PLCB4: variants seen among roughly 807,000 people sequenced by gnomAD.
PLCB4 encodes the protein phospholipase C beta 4.
Under a neutral mutation model 178.8 loss-of-function variants are expected in PLCB4, and 77 were observed. That is an observed-to-expected ratio of 0.43 (90% CI 0.36 to 0.52). PLCB4 has a LOEUF of 0.52. Among genes scored for constraint, PLCB4 ranks in the 20% least tolerant of loss-of-function variants. The probability of loss-of-function intolerance (pLI) is 0.00; values close to 1 mark genes in which losing one functional copy is unlikely to be tolerated. For synonymous variants in PLCB4, 496 were observed against 490.8 expected, an observed-to-expected ratio of 1.01 and a Z score of -0.14; for missense variants, 1,024 against 1,453.4, an observed-to-expected ratio of 0.70 and a Z score of 4.80.
intron 7 of PLCB4, among the ~76,000 whole-genome samples, chr20:9,352,009 C>A (rs1420118083): frequency 6.6e-6 from 1 of 152,114 alleles, no homozygotes; most frequent in Non-Finnish European, 1.5e-5. Context: ...GAGTTGAGTC[C>A]AAAAGTAATG....
chr20:9,213,128 C>CTTTTTTTTTTTTTTT (rs56785951), intron 2 of PLCB4, among the ~76,000 whole-genome samples: 2 of 35,728 alleles, frequency 5.6e-5, no homozygotes, highest in African/African-American at 2.5e-4. Flanking sequence ...CGTTAGCATA[C>CTTTTTTTTTTTTTTT]TTTTTTTTTT....
At chr20:9,308,825 C>T (rs6118572) in intron 4 of PLCB4, among the ~76,000 whole-genome samples, 1 of 152,092 alleles carries the variant, frequency 6.6e-6, no homozygotes, top group Non-Finnish European at 1.5e-5. Flanking sequence ...AAGGATGGAC[C>T]TAAACATGGT....
At chr20:9,332,597 A>T (rs941966484) in intron 4 of PLCB4, among the ~76,000 whole-genome samples, 3 of 151,938 alleles carry the variant, frequency 2.0e-5, no homozygotes, top group Non-Finnish European at 4.4e-5. Context: ...TCATTCTAAG[A>T]TCCCCCTGGA....
rs1484633062 is a variant in PLCB4, at chr20:9,081,374, A to T, written c.-135+12168A>T. On this transcript the variant is annotated intron_variant, in intron 1 of 39. Transcript: ENST00000378473. ...GCCTGACCCCTGTGATGAAGTTTTA[A>T]CTCCTTTATTTGCATCACCTATACT... Among the ~76,000 whole-genome samples, 8 of 152,284 alleles carry T rather than the reference A, an allele frequency of 5.3e-5. 1 individual carries two copies.
chr20:9,223,459 G>A (rs1015435055), intron 3 of PLCB4, among the ~76,000 whole-genome samples: 5 of 152,196 alleles, frequency 3.3e-5, no homozygotes, highest in East Asian at 3.9e-4. Context: ...GGAAGGGCCC[G>A]GCTGTGCATT....
Position 9,406,492 on chromosome 20 carries a change from T to A in PLCB4, c.1647+1144T>A, listed in dbSNP as rs948604233. Among the ~76,000 whole-genome samples the A allele has an allele frequency of 4.4e-5, 5 of 113,090 alleles. No individual in the cohort carries two copies. The East Asian group carries it at 1.7e-3, about 39-fold the overall frequency. 74.2% of individuals were successfully genotyped at this position (113,090 alleles called of 152,430 possible). On this transcript the variant is annotated intron_variant, in intron 21 of 39. Transcript: ENST00000378473. ...TCAGTTAAGACAAACAAATTGACCATTTTTTTTTTTTTTTGAGATGGAGTC... is the reference window on the plus strand; with the variant it reads ...TCAGTTAAGACAAACAAATTGACCAATTTTTTTTTTTTTTGAGATGGAGTC...
At chr20:9,323,446 C>T (rs2029865846) in intron 4 of PLCB4, among the ~76,000 whole-genome samples, 1 of 152,178 alleles carries the variant, frequency 6.6e-6, no homozygotes, top group African/African-American at 2.4e-5. Context: ...TGTATCCCCA[C>T]CAGGGAATTA....
At chr20:9,136,986 G>T (rs969477721) in intron 2 of PLCB4, among the ~76,000 whole-genome samples, 5 of 152,030 alleles carry the variant, frequency 3.3e-5, no homozygotes, top group Non-Finnish European at 7.4e-5. Context: ...GAACTGTGAG[G>T]TCAGTTGCTT....
At chr20:9,145,880 G>T (rs962624028) in intron 2 of PLCB4, among the ~76,000 whole-genome samples, 2 of 152,074 alleles carry the variant, frequency 1.3e-5, no homozygotes, top group African/African-American at 4.8e-5. Flanking sequence ...CTTCCAGGAA[G>T]CAGTACTGTC....
chr20:9,373,079 AC>A lies in PLCB4; in HGVS notation c.721del (p.Gln241AsnfsTer2). On this transcript the variant is annotated frameshift_variant, in exon 12 of 40. Coordinates refer to ENST00000378473, the MANE Select transcript of PLCB4 (RefSeq NM_001377142.1). LOFTEE classifies it high-confidence loss of function. ...NGDKTDYLTV[D>X]QLVSFLNEHQ... The stretch of plus-strand genomic sequence containing the variant: ...GACAAAACTGATTATTTAACGGTAG[AC>A]CAATTAGTGAGCTTTCTAAATGAAG... 1 of 1,537,860 alleles carries A rather than the reference AC, an allele frequency of 6.5e-7. No individual in the cohort carries two copies. Among genetic ancestry groups the A allele is most frequent in the Non-Finnish European group, 9.0e-7 (1 of 1,112,446 alleles).
At chr20:9,171,447 C>A (rs557121425) in intron 2 of PLCB4, among the ~76,000 whole-genome samples, 201 of 152,256 alleles carry the variant, frequency 1.3e-3, no homozygotes, top group African/African-American at 3.4e-3. Context: ...AAACCAGAGA[C>A]CATATTTTGT....
intron 2 of PLCB4, among the ~76,000 whole-genome samples, chr20:9,169,519 G>T (rs961924428): frequency 6.6e-5 from 10 of 151,728 alleles, no homozygotes; most frequent in Admixed American, 5.9e-4. Flanking sequence ...GAAACGGGAG[G>T]CAGAGGTTGC....
intron 25 of PLCB4, among the ~76,000 whole-genome samples, chr20:9,412,671 A>G (rs757565744): frequency 1.1e-4 from 17 of 152,130 alleles, no homozygotes; most frequent in Admixed American, 2.0e-4. Context: ...AGCCCTTGGT[A>G]TCTGACCACC....
At chr20:9,145,434 A>G (rs1038946754) in intron 2 of PLCB4, among the ~76,000 whole-genome samples, 2 of 152,166 alleles carry the variant, frequency 1.3e-5, no homozygotes, top group Middle Eastern at 3.4e-3. Flanking sequence ...GTGCTCTCAC[A>G]TCAAAAAAAT....
intron 3 of PLCB4, among the ~76,000 whole-genome samples, chr20:9,274,690 A>C (rs143421712): frequency 1.3e-5 from 2 of 152,134 alleles, no homozygotes; most frequent in African/African-American, 2.4e-5. Flanking sequence ...TTTGTTTCTG[A>C]GCATCAGAAA....
chr20:9,203,310 G>C (rs1272821696), intron 2 of PLCB4, among the ~76,000 whole-genome samples: 1 of 151,838 alleles, frequency 6.6e-6, no homozygotes, highest in East Asian at 1.9e-4. Flanking sequence ...TCTGTTTTAG[G>C]TATATCACCC....
At chr20:9,086,057 G>C (rs1041551338) in intron 1 of PLCB4, among the ~76,000 whole-genome samples, 2 of 151,950 alleles carry the variant, frequency 1.3e-5, no homozygotes, top group Admixed American at 6.6e-5. Flanking sequence ...TTAATTATGT[G>C]GCTTCATTTG....
rs150346172 is a variant in PLCB4, at chr20:9,107,197, C to T, written c.-79+10855C>T. Among the ~76,000 whole-genome samples the T allele has an allele frequency of 1.4e-4, 21 of 152,198 alleles. No individual in the cohort carries two copies. In the East Asian group the frequency reaches 3.5e-3, roughly 25 times the overall value. ...GGTTATAGTGGAGCATTTATTTACTCGTTCAACAATTATGGATTATACTCT... is the reference window on the plus strand; with the variant it reads ...GGTTATAGTGGAGCATTTATTTACTTGTTCAACAATTATGGATTATACTCT... On this transcript the variant is annotated intron_variant, in intron 2 of 39. Transcript: ENST00000378473.
At chr20:9,446,291 T>C (rs537687819) in intron 32 of PLCB4, among the ~76,000 whole-genome samples, 1 of 152,338 alleles carries the variant, frequency 6.6e-6, no homozygotes, top group South Asian at 2.1e-4. Context: ...ACCATACTCC[T>C]GTGTAGGATA....
Sources: gnomAD v4.1 joint callset for allele counts (sites outside exome capture counted in the v4.1 genomes callset) on GRCh38, gnomAD v4.1.1 for gene constraint, MANE v1.5 for transcripts, NCBI Gene and HGNC (gene_info 2026-07-23, HGNC 2026-07-21) for gene names.